Variants in NRG3 observed in about 807,000 individuals in gnomAD.
NRG3 encodes the protein neuregulin 3.
Under a neutral mutation model 66.9 loss-of-function variants are expected in NRG3, and 31 were observed. The observed-to-expected ratio is 0.46, with a 90% CI of 0.35 to 0.63. The LOEUF (loss-of-function observed/expected upper bound fraction) is 0.63. Among genes scored for constraint, NRG3 ranks in the 20% least tolerant of loss-of-function variants. NRG3 has a pLI of 0.00. For synonymous variants in NRG3, 393 were observed against 359.4 expected (o/e 1.09, Z -1.06); for missense variants, 910 against 878.9 (o/e 1.04, Z -0.45).
intron 1 of NRG3, among the ~76,000 whole-genome samples, chr10:82,047,043 G>A (rs1307278188): frequency 1.3e-5 from 2 of 151,372 alleles, no homozygotes; most frequent in African/African-American, 4.8e-5. Flanking sequence ...TCTTGGTTGT[G>A]TCTCTGCCAG....
intron 1 of NRG3, among the ~76,000 whole-genome samples, chr10:82,184,558 T>C (rs2073672848): frequency 6.6e-6 from 1 of 152,202 alleles, no homozygotes; most frequent in East Asian, 1.9e-4. Flanking sequence ...TGTATAATAA[T>C]ACTTTCTATA....
intron 4 of NRG3, among the ~76,000 whole-genome samples, chr10:82,890,738 T>C (rs972260194): frequency 1.3e-5 from 2 of 152,228 alleles, no homozygotes; most frequent in African/African-American, 2.4e-5. Flanking sequence ...TTTTCCAACA[T>C]TGTTAAACCG....
chr10:82,852,917 G>A (rs554051475), intron 3 of NRG3, among the ~76,000 whole-genome samples: 2 of 152,270 alleles, frequency 1.3e-5, no homozygotes, highest in African/African-American at 2.4e-5. Context: ...CTAATTATTA[G>A]ACAATAGTTT....
chr10:82,205,842 C>A (rs189446145), intron 1 of NRG3, among the ~76,000 whole-genome samples: 1 of 152,320 alleles, frequency 6.6e-6, no homozygotes, highest in Non-Finnish European at 1.5e-5. Context: ...TCCTTCAACT[C>A]CAGAAATAGG....
intron 3 of NRG3, among the ~76,000 whole-genome samples, chr10:82,794,949 C>A (rs2060736260): frequency 6.6e-6 from 1 of 152,148 alleles, no homozygotes; most frequent in Non-Finnish European, 1.5e-5. Flanking sequence ...CTCTCCCCAC[C>A]AAAAGTTCAC....
intron 2 of NRG3, among the ~76,000 whole-genome samples, chr10:82,398,895 C>T (rs1460073424): frequency 6.6e-6 from 1 of 152,124 alleles, no homozygotes; most frequent in Non-Finnish European, 1.5e-5. Flanking sequence ...ATTCCTCCTA[C>T]TGCAAGTTTC....
At chr10:81,993,828 T>C (rs2060832054) in intron 1 of NRG3, among the ~76,000 whole-genome samples, 1 of 152,190 alleles carries the variant, frequency 6.6e-6, no homozygotes, top group Admixed American at 6.5e-5. Flanking sequence ...GTGAATCACA[T>C]AGAAGCGCAG....
intron 6 of NRG3, among the ~76,000 whole-genome samples, chr10:82,967,322 T>C (rs1406961471): frequency 6.6e-6 from 1 of 152,126 alleles, no homozygotes; most frequent in African/African-American, 2.4e-5. Flanking sequence ...TGTGTCTACA[T>C]TGATGTCTAC....
chr10:82,583,882 C>A (rs541518979), intron 2 of NRG3, among the ~76,000 whole-genome samples: 2 of 152,274 alleles, frequency 1.3e-5, no homozygotes, highest in African/African-American at 4.8e-5. Flanking sequence ...GTCTCAATCT[C>A]ACCCCTGGGC....
intron 1 of NRG3, among the ~76,000 whole-genome samples, chr10:81,938,657 G>A (rs535520992): frequency 1.4e-4 from 20 of 138,470 alleles, no homozygotes; most frequent in Non-Finnish European, 2.5e-4. Flanking sequence ...ATGCATGCAT[G>A]CAAAAATTTT....
At chr10:82,080,138 G>A (rs777453196) in intron 1 of NRG3, among the ~76,000 whole-genome samples, 1 of 152,064 alleles carries the variant, frequency 6.6e-6, no homozygotes, top group African/African-American at 2.4e-5. Flanking sequence ...ATTCACAGTG[G>A]CTCCCATCCC....
chr10:82,960,609 G>T (rs910314028), intron 6 of NRG3, among the ~76,000 whole-genome samples: 1 of 151,994 alleles, frequency 6.6e-6, no homozygotes, highest in Non-Finnish European at 1.5e-5. Flanking sequence ...CATCCAGATG[G>T]CCGGTTCCTG....
At chr10:82,073,123 A>C (rs2064898530) in intron 1 of NRG3, among the ~76,000 whole-genome samples, 1 of 152,106 alleles carries the variant, frequency 6.6e-6, no homozygotes, top group Admixed American at 6.5e-5. Flanking sequence ...GAAAAAAAAA[A>C]ATAAGGGATG....
chr10:82,117,290 A>G (rs2067787700), intron 1 of NRG3, among the ~76,000 whole-genome samples: 1 of 152,010 alleles, frequency 6.6e-6, no homozygotes, highest in African/African-American at 2.4e-5. Flanking sequence ...TCACTCACTC[A>G]TTGAGCTTAA....
chr10:82,928,625 TAA>T (rs4034738), intron 4 of NRG3, among the ~76,000 whole-genome samples: 1 of 150,068 alleles, frequency 6.7e-6, no homozygotes, highest in Non-Finnish European at 1.5e-5. Context: ...TTTTTTTTTT[TAA>T]AAGTAAATCT....
At chr10:82,834,416 T>C (rs934279968) in intron 3 of NRG3, among the ~76,000 whole-genome samples, 4 of 152,292 alleles carry the variant, frequency 2.6e-5, no homozygotes, top group East Asian at 1.9e-4. Context: ...GGTACTTCCA[T>C]GAAGACAGTT....
At chr10:82,710,134 T>C (rs1278592896) in intron 2 of NRG3, among the ~76,000 whole-genome samples, 4 of 152,220 alleles carry the variant, frequency 2.6e-5, no homozygotes, top group Admixed American at 2.0e-4. Flanking sequence ...ATTAACATCT[T>C]GCACTTCTGC....
At chr10:82,084,321 C>T (rs1438004289) in intron 1 of NRG3, among the ~76,000 whole-genome samples, 3 of 152,076 alleles carry the variant, frequency 2.0e-5, no homozygotes, top group Non-Finnish European at 4.4e-5. Context: ...TATTACTTTT[C>T]AGTATATTCA....
At chr10:82,596,391 G>A (rs2047280430) in intron 2 of NRG3, among the ~76,000 whole-genome samples, 1 of 152,170 alleles carries the variant, frequency 6.6e-6, no homozygotes, top group Non-Finnish European at 1.5e-5. Context: ...TTTTAATGAG[G>A]CACGCATGTG....
Sources: allele counts gnomAD v4.1 joint callset (sites outside exome capture counted in the v4.1 genomes callset), GRCh38; gene constraint gnomAD v4.1.1; transcripts MANE v1.5; gene names NCBI Gene and HGNC (gene_info 2026-07-23, HGNC 2026-07-21).